The following PDE4D variants were observed in gnomAD, a reference collection of about 807,000 sequenced individuals.
PDE4D encodes 3',5'-cyclic-AMP phosphodiesterase 4D.
In PDE4D, 24 loss-of-function variants were observed where a neutral mutation model predicts 87.4. The ratio of observed to expected loss-of-function variants is 0.27; its 90% CI spans 0.20 to 0.39. The LOEUF (loss-of-function observed/expected upper bound fraction) is 0.39. Ranked by LOEUF, PDE4D falls within the 10% of genes least tolerant of loss-of-function variation. PDE4D has a pLI of 1.00. For synonymous variants in PDE4D, 384 were observed against 383.2 expected (o/e 1.00, Z -0.02); for missense variants, 714 against 1,041.0 (o/e 0.69, Z 4.32).
intron 1 of PDE4D, among the ~76,000 whole-genome samples, chr5:59,349,988 T>C (rs965684698): frequency 6.6e-6 from 1 of 152,150 alleles, no homozygotes; most frequent in African/African-American, 2.4e-5. Flanking sequence ...CAGATTCTTT[T>C]GAATGTTTGA....
At chr5:60,032,375 C>G (rs1016088768) in intron 2 of PDE4D, among the ~76,000 whole-genome samples, 1 of 152,120 alleles carries the variant, frequency 6.6e-6, no homozygotes, top group South Asian at 2.1e-4. Context: ...TTCTCTATTG[C>G]GTTCTTATTT....
chr5:59,175,471 CTTTTTTTTTTTTTTTTT>C (rs563138575), intron 5 of PDE4D, among the ~76,000 whole-genome samples: 4 of 91,208 alleles, frequency 4.4e-5, no homozygotes, highest in Non-Finnish European at 8.5e-5. Context: ...ATTTTTCTTT[CTTTTTTTTTTTTTTTTT>C]TTTTTTTTTT....
chr5:60,395,048 T>G (rs1762795020), intron 1 of PDE4D, among the ~76,000 whole-genome samples: 1 of 152,166 alleles, frequency 6.6e-6, no homozygotes, highest in Non-Finnish European at 1.5e-5. Context: ...CGAGCCTAGA[T>G]TTTCTTCAAA....
intron 1 of PDE4D, chr5:59,275,703 T>G: frequency 9.2e-7 from 1 of 1,087,310 alleles, no homozygotes; most frequent in Non-Finnish European, 1.1e-6. Context: ...TGATTCTTCA[T>G]CTGGGTCACA....
chr5:60,474,005 C>G (rs534688729), intron 1 of PDE4D, among the ~76,000 whole-genome samples: 2 of 149,190 alleles, frequency 1.3e-5, no homozygotes, highest in East Asian at 3.9e-4. Flanking sequence ...CTATTCTTTC[C>G]AAGTCATCAC....
intron 2 of PDE4D, among the ~76,000 whole-genome samples, chr5:60,083,453 T>C (rs1429099430): frequency 2.0e-5 from 3 of 152,218 alleles, no homozygotes; most frequent in South Asian, 2.1e-4. Context: ...ATTTTAATAA[T>C]GTAAAACTCT....
At chr5:59,228,501 CTTTA>C (rs1384029565) in intron 1 of PDE4D, among the ~76,000 whole-genome samples, 2 of 151,198 alleles carry the variant, frequency 1.3e-5, no homozygotes, top group African/African-American at 2.4e-5. Context: ...GTGTTTCTGT[CTTTA>C]TTTATTGTTT....
chr5:60,064,792 T>C lies in PDE4D; in HGVS notation c.43-76075A>G, dbSNP rs550472526. Among the ~76,000 whole-genome samples the C allele has an allele frequency of 1.2e-4, 19 of 152,248 alleles. No individual in the cohort carries two copies. In the South Asian group the frequency reaches 3.9e-3, roughly 32 times the overall value. The stretch of plus-strand genomic sequence containing the variant: ...GGGCCATTTCAAAACCCTTCAGTTA[T>C]ATTGGCATCTCTGCTCCCAGTATAA... On this transcript the variant is annotated intron_variant, in intron 2 of 16. Coordinates refer to the PDE4D transcript ENST00000502484.
At chr5:59,046,550 T>TGTGTGTGTGTGTGTGC in intron 5 of PDE4D, among the ~76,000 whole-genome samples, 1 of 151,642 alleles carries the variant, frequency 6.6e-6, no homozygotes, top group African/African-American at 2.4e-5. Flanking sequence ...TGTGTGTGTG[T>TGTGTGTGTGTGTGTGC]GTGTGTGTGT....
intron 6 of PDE4D, among the ~76,000 whole-genome samples, chr5:59,038,192 T>A (rs1028619475): frequency 1.3e-5 from 2 of 152,224 alleles, no homozygotes; most frequent in Non-Finnish European, 2.9e-5. Context: ...TTCTCAGCCC[T>A]CAAAACTCCA....
intron 3 of PDE4D, among the ~76,000 whole-genome samples, chr5:59,951,865 G>T (rs1333037409): frequency 6.6e-6 from 1 of 152,040 alleles, no homozygotes; most frequent in Admixed American, 6.5e-5. Flanking sequence ...ACACAGCAAA[G>T]CTCCATAAAT....
chr5:60,330,771 G>A (rs1352604202), intron 1 of PDE4D, among the ~76,000 whole-genome samples: 1 of 152,196 alleles, frequency 6.6e-6, no homozygotes, highest in Non-Finnish European at 1.5e-5. Flanking sequence ...TTGAGCAAAA[G>A]TTTGTTCTGG....
intron 1 of PDE4D, among the ~76,000 whole-genome samples, chr5:59,362,544 T>A (rs980119360): frequency 6.6e-6 from 1 of 152,150 alleles, no homozygotes; most frequent in African/African-American, 2.4e-5. Context: ...TTTACAAAAA[T>A]TAGGTGATAG....
At chr5:60,366,890 T>C (rs1247408371) in intron 1 of PDE4D, among the ~76,000 whole-genome samples, 2 of 152,238 alleles carry the variant, frequency 1.3e-5, no homozygotes, top group African/African-American at 2.4e-5. Context: ...TCTGAATTTT[T>C]TTATCAGTTA....
chr5:59,333,277 A>C (rs1777064485), intron 1 of PDE4D, among the ~76,000 whole-genome samples: 1 of 152,072 alleles, frequency 6.6e-6, no homozygotes, highest in African/African-American at 2.4e-5. Flanking sequence ...TCTTTTTTTT[A>C]ATATGAAGGG....
chr5:59,164,494 C>T (rs1281814666), intron 5 of PDE4D, among the ~76,000 whole-genome samples: 1 of 152,140 alleles, frequency 6.6e-6, no homozygotes, highest in Non-Finnish European at 1.5e-5. Flanking sequence ...GATAGGTTTG[C>T]TATTATTCCC....
At chr5:59,106,615 C>A (rs1392522696) in intron 5 of PDE4D, among the ~76,000 whole-genome samples, 1 of 152,098 alleles carries the variant, frequency 6.6e-6, no homozygotes, top group Non-Finnish European at 1.5e-5. Flanking sequence ...GCAAAATCAG[C>A]CGGGCGTGGT....
chr5:59,693,352 C>T (rs912317749), intron 1 of PDE4D, among the ~76,000 whole-genome samples: 10 of 152,020 alleles, frequency 6.6e-5, no homozygotes, highest in African/African-American at 1.9e-4. Flanking sequence ...AGTCTTTATA[C>T]CTGCAATGTT....
chr5:59,013,073 C>T (rs1238501680), intron 6 of PDE4D, among the ~76,000 whole-genome samples: 1 of 152,138 alleles, frequency 6.6e-6, no homozygotes, highest in East Asian at 1.9e-4. Flanking sequence ...GCGATGAAGG[C>T]AGAAATAAAG....
Sources: gnomAD v4.1 joint callset for allele counts (sites outside exome capture counted in the v4.1 genomes callset) on GRCh38, gnomAD v4.1.1 for gene constraint, MANE v1.5 for transcripts, NCBI Gene and HGNC (gene_info 2026-07-23, HGNC 2026-07-21) for gene names.